Variants in CWC27 observed in about 807,000 individuals in gnomAD.
CWC27 encodes spliceosome-associated protein CWC27 homolog.
CWC27 carries 47 observed loss-of-function variants against 63.6 expected under a neutral mutation model. That is an observed-to-expected ratio of 0.74 (90% CI 0.58 to 0.94). The LOEUF is 0.94. CWC27 is among the 40% of genes least tolerant of loss of function. The probability of loss-of-function intolerance (pLI) is 0.00; values close to 1 mark genes in which losing one functional copy is unlikely to be tolerated. For synonymous variants in CWC27, 175 were observed against 179.8 expected, an observed-to-expected ratio of 0.97 and a Z score of 0.22; for missense variants, 495 against 554.3, an observed-to-expected ratio of 0.89 and a Z score of 1.07.
chr5:64,868,244 C>T (rs1489118696), intron 10 of CWC27, among the ~76,000 whole-genome samples: 2 of 151,998 alleles, frequency 1.3e-5, no homozygotes, highest in Admixed American at 1.3e-4. Flanking sequence ...GAACATTTAG[C>T]TTATAAAGGG....
At chr5:64,927,070 T>A (rs1748130289) in intron 11 of CWC27, among the ~76,000 whole-genome samples, 1 of 152,234 alleles carries the variant, frequency 6.6e-6, no homozygotes, top group Non-Finnish European at 1.5e-5. Flanking sequence ...TATATTTTTT[T>A]AAAATTCAGG....
intron 1 of CWC27, among the ~76,000 whole-genome samples, chr5:64,774,405 C>T (rs1027695339): frequency 6.6e-6 from 1 of 152,084 alleles, no homozygotes; most frequent in Non-Finnish European, 1.5e-5. Context: ...TAGATATTAC[C>T]GTTTTCTAAA....
intron 10 of CWC27, among the ~76,000 whole-genome samples, chr5:64,863,964 C>T (rs530201516): frequency 5.3e-5 from 8 of 152,228 alleles, no homozygotes; most frequent in Non-Finnish European, 8.8e-5. Flanking sequence ...TATTTTCTGT[C>T]GTTCCATTTA....
intron 10 of CWC27, among the ~76,000 whole-genome samples, chr5:64,876,166 TG>T (rs1182770763): frequency 6.6e-6 from 1 of 152,140 alleles, no homozygotes; most frequent in African/African-American, 2.4e-5. Flanking sequence ...CAGTACATTT[TG>T]GCACTTTTTG....
intron 10 of CWC27, among the ~76,000 whole-genome samples, chr5:64,814,067 AT>A (rs940502341): frequency 1.4e-5 from 2 of 145,428 alleles, no homozygotes; most frequent in Admixed American, 1.3e-4. Flanking sequence ...ACATTATGAG[AT>A]TTTTTTTGCG....
chr5:64,910,417 T>A (rs1747759511), intron 11 of CWC27, among the ~76,000 whole-genome samples: 1 of 152,188 alleles, frequency 6.6e-6, no homozygotes, highest in South Asian at 2.1e-4. Context: ...GGGACCCACT[T>A]AAGGAGGCAG....
chr5:64,919,203 A>ACTTTGTTGCTTCG (rs1747947457), intron 11 of CWC27, among the ~76,000 whole-genome samples: 1 of 152,192 alleles, frequency 6.6e-6, no homozygotes, highest in African/African-American at 2.4e-5. Flanking sequence ...TTAATAAATA[A>ACTTTGTTGCTTCG]TTTTGTTGCT....
chr5:64,971,712 C>A lies in CWC27; in HGVS notation c.1052C>A (p.Ala351Asp). The change falls in exon 12 of 14, where the codon GCC (alanine) becomes GAC (aspartate). Residue 351 changes from alanine to aspartate, a missense_variant. Ala to Asp is a moderately radical substitution (Grantham distance 126). Coordinates refer to ENST00000381070, the MANE Select transcript of CWC27 (RefSeq NM_005869.4). ...TTCTACTATTCTTTAGAGGAAGAAG[C>A]CCCTCCAGATGGTGCTGTTGCCGAA... ...QAEKRSEEEE[A>D]PPDGAVAEYR... The A allele has an allele frequency of 1.3e-6, 2 of 1,596,360 alleles. No homozygotes were observed. The highest frequency in any genetic ancestry group is 1.7e-5 in the Admixed American group (1 of 57,184).
chr5:64,790,665 C>G (rs530933499), intron 7 of CWC27, among the ~76,000 whole-genome samples: 1 of 152,212 alleles, frequency 6.6e-6, no homozygotes, highest in East Asian at 1.9e-4. Flanking sequence ...ACTACTTCTA[C>G]CTCCCCCTGC....
intron 11 of CWC27, among the ~76,000 whole-genome samples, chr5:64,907,166 A>G (rs1056539514): frequency 6.6e-6 from 1 of 152,180 alleles, no homozygotes; most frequent in Non-Finnish European, 1.5e-5. Flanking sequence ...TTTTGGTCCC[A>G]TATGAACTTT....
At chr5:64,979,180 A>G (rs536271306) in intron 13 of CWC27, among the ~76,000 whole-genome samples, 1 of 152,344 alleles carries the variant, frequency 6.6e-6, no homozygotes, top group South Asian at 2.1e-4. Flanking sequence ...ATCACTGGCC[A>G]ATGATGTTGG....
intron 11 of CWC27, among the ~76,000 whole-genome samples, chr5:64,892,161 C>T (rs1413911317): frequency 6.6e-6 from 1 of 152,170 alleles, no homozygotes; most frequent in Non-Finnish European, 1.5e-5. Flanking sequence ...GCTGTCTTAA[C>T]ACAGTTTTCT....
At chr5:64,951,143 CT>C (rs1012536043) in intron 11 of CWC27, among the ~76,000 whole-genome samples, 32 of 151,986 alleles carry the variant, frequency 2.1e-4, no homozygotes, top group African/African-American at 7.7e-4. Context: ...TCATAAGAAA[CT>C]GCCAACCTGT....
intron 11 of CWC27, among the ~76,000 whole-genome samples, chr5:64,960,333 C>T (rs1302308179): frequency 3.9e-5 from 6 of 151,990 alleles, no homozygotes; most frequent in African/African-American, 1.2e-4. Flanking sequence ...AATTATTTAA[C>T]CTTTTCCTGC....
At chr5:64,849,230 CAAA>C (rs139344029) in intron 10 of CWC27, among the ~76,000 whole-genome samples, 1 of 132,790 alleles carries the variant, frequency 7.5e-6, no homozygotes. Context: ...CAATAGCTAC[CAAA>C]AAAAAAAAAA....
chr5:64,896,334 G>T (rs1747373659), intron 11 of CWC27, among the ~76,000 whole-genome samples: 1 of 152,128 alleles, frequency 6.6e-6, no homozygotes, highest in Admixed American at 6.6e-5. Context: ...GAGCCCAGAT[G>T]TAAGACCTAT....
intron 13 of CWC27, among the ~76,000 whole-genome samples, chr5:64,998,492 A>T (rs969385190): frequency 1.3e-5 from 2 of 152,168 alleles, no homozygotes; most frequent in Admixed American, 6.5e-5. Context: ...GTTGCTAAAG[A>T]TATTTTGAAA....
chr5:64,807,611 A>C (rs758253261), intron 10 of CWC27: 2 of 1,534,072 alleles, frequency 1.3e-6, no homozygotes, highest in Non-Finnish European at 1.7e-6. Flanking sequence ...CACCTTCTCT[A>C]TGCCTGTATC....
At chr5:65,011,789 G>A (rs1374210935) in intron 13 of CWC27, among the ~76,000 whole-genome samples, 1 of 152,232 alleles carries the variant, frequency 6.6e-6, no homozygotes, top group Non-Finnish European at 1.5e-5. Flanking sequence ...ATCCACCCTT[G>A]CAGAGGCAGG....
Sources: allele counts gnomAD v4.1 joint callset (sites outside exome capture counted in the v4.1 genomes callset), GRCh38; gene constraint gnomAD v4.1.1; transcripts MANE v1.5; gene names NCBI Gene and HGNC (gene_info 2026-07-23, HGNC 2026-07-21).